CRHBP: variants seen among roughly 807,000 people sequenced by gnomAD.
CRHBP encodes the protein corticotropin-releasing hormone-binding protein.
A neutral mutation model predicts 34.9 loss-of-function variants in CRHBP; 19 were observed. That is an observed-to-expected ratio of 0.55 (90% CI 0.38 to 0.80). The LOEUF (loss-of-function observed/expected upper bound fraction) is 0.80. Ranked by LOEUF, CRHBP falls within the 30% of genes least tolerant of loss-of-function variation. The pLI, the probability that CRHBP is intolerant of heterozygous loss-of-function variation, is 0.00. For missense variants in CRHBP, 328 were observed against 409.2 expected, an observed-to-expected ratio of 0.80 and a Z score of 1.71; for synonymous variants, 154 against 153.4, an observed-to-expected ratio of 1.00 and a Z score of -0.03.
chr5:76,968,895 C>A lies in CRHBP; in HGVS notation c.*10C>A. The A allele has an allele frequency of 6.2e-7, 1 of 1,610,584 alleles. No individual in the cohort carries two copies. The highest frequency in any genetic ancestry group is 8.5e-7 in the Non-Finnish European group (1 of 1,177,770). ...TTTGTCTGGTCTTTGAATAACCAAC[C>A]CAGTGATTTACATGCTGATAGCTAA... On this transcript the variant is annotated 3_prime_UTR_variant, in exon 7 of 7. Transcript: ENST00000274368.
Position 76,955,676 on chromosome 5 carries a change from G to A in CRHBP, c.357G>A (p.Lys119=). The A allele has an allele frequency of 1.5e-5, 24 of 1,614,074 alleles. No homozygotes were observed. Among genetic ancestry groups the A allele is most frequent in the Non-Finnish European group, 2.0e-5 (24 of 1,179,980 alleles). ...FLKVFDGWIL[K]GEKFPSSQDH... is the part of the protein sequence containing the mutation. ...AGGTATTTGATGGTTGGATTCTCAA[G>A]GGGGAGAAGTTCCCCAGTTCCCAGG... Residue 119 remains lysine (K), a synonymous_variant, in exon 4 of 7, where the codon AAG becomes AAA. Transcript: ENST00000274368.
intron 2 of CRHBP, among the ~76,000 whole-genome samples, chr5:76,976,063 G>A (rs983065159): frequency 6.6e-6 from 1 of 150,772 alleles, no homozygotes; most frequent in Non-Finnish European, 1.5e-5. Flanking sequence ...ATCACATCCA[G>A]GCTTATTAGC....
At chr5:76,980,619 T>A (rs763656904) in intron 3 of CRHBP, among the ~76,000 whole-genome samples, 1 of 152,244 alleles carries the variant, frequency 6.6e-6, no homozygotes, top group Non-Finnish European at 1.5e-5. Flanking sequence ...CTCATCTGGA[T>A]GTTGCTGTGA....
At chr5:76,969,733 C>T (rs143389632), downstream of CRHBP, among the ~76,000 whole-genome samples, 43 of 152,168 alleles carry the variant, frequency 2.8e-4, no homozygotes, top group African/African-American at 9.2e-4. Flanking sequence ...GTTTTTGTCA[C>T]GATATACATT....
At position 76,958,868 on chromosome 5, in the gene CRHBP, C is replaced by G; in HGVS notation, c.672C>G (p.His224Gln). 1 of 1,613,886 alleles carries G rather than the reference C, an allele frequency of 6.2e-7. No homozygotes were observed. Among genetic ancestry groups the G allele is most frequent in the Non-Finnish European group, 8.5e-7 (1 of 1,179,940 alleles). Residue 224 changes from histidine (H) to glutamine (Q), a missense_variant, in exon 5 of 7, where the codon CAC (histidine) becomes CAG (glutamine). Physicochemically the swap from His to Gln is conservative, Grantham distance 24. Coordinates refer to ENST00000274368, the MANE Select transcript of CRHBP (RefSeq NM_001882.4). ...AAATATCTGATCTTACCCTGGGACACGTAAATGGTCTTCAGTTAAAGGTGA... is the reference window on the plus strand; with the variant it reads ...AAATATCTGATCTTACCCTGGGACAGGTAAATGGTCTTCAGTTAAAGGTGA... ...VIKISDLTLG[H>Q]VNGLQLKKSS...
At chr5:76,978,162 T>C (rs1280395163) in intron 3 of CRHBP, among the ~76,000 whole-genome samples, 1 of 152,022 alleles carries the variant, frequency 6.6e-6, no homozygotes, top group African/African-American at 2.4e-5. Context: ...AGGTGCAAGA[T>C]GAAGCAGCAA....
chr5:76,953,824 A>G, intron 2 of CRHBP, 130 bp downstream of exon 2: 1 of 1,193,994 alleles, frequency 8.4e-7, no homozygotes, highest in Non-Finnish European at 1.1e-6. Flanking sequence ...CGGTCCCCTT[A>G]GCTAAGGATC....
chr5:76,961,488 C>G (rs906131587), intron 5 of CRHBP, among the ~76,000 whole-genome samples: 1 of 152,174 alleles, frequency 6.6e-6, no homozygotes, highest in Non-Finnish European at 1.5e-5. Context: ...TTTTCCTTTA[C>G]TGCTAAATTG....
intron 4 of CRHBP, 62 bp from the exon 5 acceptor site, chr5:76,958,679 G>A: frequency 1.3e-6 from 2 of 1,540,138 alleles, no homozygotes; most frequent in South Asian, 1.3e-5. Context: ...TACAATAAAT[G>A]TCTATAAAAA....
chr5:76,963,369 A>C lies in CRHBP; in HGVS notation c.720A>C (p.Ile240=). The C allele has an allele frequency of 6.2e-7, 1 of 1,614,126 alleles. No homozygotes were observed. Among genetic ancestry groups the C allele is most frequent in the Non-Finnish European group, 8.5e-7 (1 of 1,179,960 alleles). The change falls in exon 6 of 7, where the codon ATA becomes ATC. Residue 240 remains isoleucine, a synonymous_variant. Coordinates refer to ENST00000274368, the MANE Select transcript of CRHBP (RefSeq NM_001882.4). ...LKKSSAGCEG[I]GDFVELLGGT... ...AATCCTCAGCAGGTTGCGAGGGAATAGGAGACTTTGTGGAGCTGCTGGGAG... is the reference window on the plus strand; with the variant it reads ...AATCCTCAGCAGGTTGCGAGGGAATCGGAGACTTTGTGGAGCTGCTGGGAG...
intron 2 of CRHBP, 84 bp from the exon 3 acceptor site, chr5:76,953,945 G>A (rs1381009254): frequency 2.0e-6 from 3 of 1,490,324 alleles, no homozygotes; most frequent in African/African-American, 2.8e-5. Context: ...GCCCGGGAAT[G>A]GGGCGCGCGG....
At chr5:76,961,286 GT>G (rs1745772014) in intron 5 of CRHBP, among the ~76,000 whole-genome samples, 2 of 152,094 alleles carry the variant, frequency 1.3e-5, no homozygotes, top group African/African-American at 4.8e-5. Context: ...TTGTTTCTTT[GT>G]TTTGTTCCCC....
chr5:76,975,100 T>G lies in CRHBP; in HGVS notation n.312-1265T>G, dbSNP rs988462709. 3.3e-5 allele frequency among the ~76,000 whole-genome samples: 5 copies of G among 152,222 alleles called. No homozygotes were observed. The East Asian group carries it at 7.7e-4, about 23-fold the overall frequency. Reference sequence around the variant, plus strand: ...TATTAGATATTGGGGGTTCCTAGTATGAAAATGCAATTCCCCTGTTGACTC... The same window carrying G: ...TATTAGATATTGGGGGTTCCTAGTAGGAAAATGCAATTCCCCTGTTGACTC... On this transcript the variant is annotated intron_variant and non_coding_transcript_variant, in intron 2 of 3. Transcript: ENST00000514258.
intron 3 of CRHBP, 22 bp from the exon 4 acceptor site, chr5:76,955,630 CT>C: frequency 3.1e-6 from 5 of 1,609,676 alleles, no homozygotes; most frequent in Non-Finnish European, 4.3e-6. Flanking sequence ...ATGATAGCAT[CT>C]ATGTCTGTAT....
At chr5:76,953,265 T>G (rs1321739233) in intron 1 of CRHBP, 50 bp downstream of exon 1, 4 of 1,568,644 alleles carry the variant, frequency 2.5e-6, no homozygotes, top group Non-Finnish European at 3.5e-6. Flanking sequence ...GTGTTAGCCC[T>G]AGGCGGCAGG....
Position 76,954,076 on chromosome 5 carries a change from G to A in CRHBP, c.223G>A (p.Asp75Asn), listed in dbSNP as rs377064988. ...SLQGQFTFTA[D>N]RPQLHCAAFF... ...CCAGGGCCAGTTCACCTTCACCGCCGACCGGCCGCAGCTGCACTGCGCAGC... is the reference window on the plus strand; with the variant it reads ...CCAGGGCCAGTTCACCTTCACCGCCAACCGGCCGCAGCTGCACTGCGCAGC... The change falls in exon 3 of 7, where the codon GAC becomes AAC. Residue 75 changes from aspartate (D) to asparagine (N), a missense_variant. By Grantham distance (23) the Asp-to-Asn change is conservative (BLOSUM62 1). Around this residue, in one of 3 missense-constraint regions of CRHBP, gnomAD observed 173 missense variants for 172.2 expected, o/e 1.00. Transcript: ENST00000274368. 9.3e-6 allele frequency: 15 copies of A among 1,613,798 alleles called. No homozygotes were observed. The highest frequency in any genetic ancestry group is 4.5e-5 in the East Asian group (2 of 44,862).
chr5:76,971,301 G>T (rs10473984), downstream of CRHBP, among the ~76,000 whole-genome samples: 17,190 of 152,202 alleles, frequency 0.11, 2,016 homozygotes, highest in African/African-American at 0.3. Flanking sequence ...TACAGAAGGA[G>T]AAAGGTGCCT....
At chr5:76,970,241 C>T (rs1223412820), downstream of CRHBP, among the ~76,000 whole-genome samples, 4 of 151,826 alleles carry the variant, frequency 2.6e-5, no homozygotes, top group African/African-American at 7.3e-5. Flanking sequence ...CCACTGTGCC[C>T]GGCTAGAAAA....
At chr5:76,961,892 T>TA (rs1745782805) in intron 5 of CRHBP, among the ~76,000 whole-genome samples, 1 of 152,184 alleles carries the variant, frequency 6.6e-6, no homozygotes, top group Non-Finnish European at 1.5e-5. Flanking sequence ...TAGCTGGGAC[T>TA]ACAGGTGTGT....
Sources: gnomAD v4.1 joint callset for allele counts (sites outside exome capture counted in the v4.1 genomes callset) on GRCh38, gnomAD v4.1.1 for gene constraint, gnomAD v4.1.1 regional missense constraint, MANE v1.5 for transcripts, NCBI Gene and HGNC (gene_info 2026-07-23, HGNC 2026-07-21) for gene names.